ZDBF2: variants seen among roughly 807,000 people sequenced by gnomAD.
The protein encoded by ZDBF2 is zinc finger DBF-type containing 2, also known as DBF4-type zinc finger-containing protein 2.
Under a neutral mutation model 9.4 loss-of-function variants are expected in ZDBF2, and 6 were observed. That is an observed-to-expected ratio of 0.64 (90% confidence interval 0.35 to 1.27). The LOEUF (loss-of-function observed/expected upper bound fraction) is 1.27. ZDBF2 is among the 50% of genes most tolerant of loss of function. The pLI, the probability that ZDBF2 is intolerant of heterozygous loss-of-function variation, is 0.03. For missense variants in ZDBF2, 2,697 were observed against 2,766.8 expected (o/e 0.97, Z 0.57); for synonymous variants, 905 against 946.3 (o/e 0.96, Z 0.80).
At position 206,304,983 on chromosome 2, in the gene ZDBF2, T is replaced by C; in HGVS notation, c.455T>C (p.Val152Ala). The C allele has an allele frequency of 6.2e-7, 1 of 1,613,658 alleles. No individual in the cohort carries two copies. The highest frequency in any genetic ancestry group is 8.5e-7 in the Non-Finnish European group (1 of 1,179,782). ...GGACAGCAGCAGCCCTTGGAGTTTGTTCATAAAATTGGGGCCAGTGTGAGA... is the reference window on the plus strand; with the variant it reads ...GGACAGCAGCAGCCCTTGGAGTTTGCTCATAAAATTGGGGCCAGTGTGAGA... ...EKGQQQPLEF[V>A]HKIGASVRKC... The change falls in exon 5 of 5, where the codon GTT (valine) becomes GCT (alanine). Residue 152 changes from valine (V) to alanine (A), a missense_variant. By Grantham distance (64) the Val-to-Ala change is moderately conservative. Around this residue, in one of 3 missense-constraint regions of ZDBF2, gnomAD observed 910 missense variants for 973.6 expected, o/e 0.93. Coordinates refer to ENST00000374423, the MANE Select transcript of ZDBF2 (RefSeq NM_020923.3).
chr2:206,309,104 G>T lies in ZDBF2; in HGVS notation c.4576G>T (p.Val1526Leu). The T allele has an allele frequency of 6.2e-7, 1 of 1,613,908 alleles. No individual in the cohort carries two copies. The highest frequency in any genetic ancestry group is 8.5e-7 in the Non-Finnish European group (1 of 1,179,868). The change falls in exon 5 of 5, where the codon GTA (valine) becomes TTA (leucine). Residue 1526 changes from valine (V) to leucine (L), a missense_variant. Val to Leu is a conservative substitution (Grantham distance 32). Coordinates refer to ENST00000374423, the MANE Select transcript of ZDBF2 (RefSeq NM_020923.3). ...SVKETHLPKV[V>L]LVDLVPGDSD... is the part of the protein sequence containing the mutation. ...CAAAGAAACCCACCTTCCAAAGGTG[G>T]TACTTGTGGATCTGGTGCCCGGTGA...
intron 1 of ZDBF2, among the ~76,000 whole-genome samples, chr2:206,278,665 A>G (rs549131897): frequency 6.6e-6 from 1 of 152,218 alleles, no homozygotes; most frequent in African/African-American, 2.4e-5. Flanking sequence ...TTACTTTCGT[A>G]CCTTTGCTTG....
rs1215600548 is a variant in ZDBF2 at position 206,305,678 on chromosome 2, G to A, written c.1150G>A (p.Asp384Asn). The change falls in exon 5 of 5, where the codon GAC (aspartate) becomes AAC (asparagine). Residue 384 changes from aspartate (D) to asparagine (N), a missense_variant. By Grantham distance (23) the Asp-to-Asn change is conservative (BLOSUM62 1). Coordinates refer to ENST00000374423, the MANE Select transcript of ZDBF2 (RefSeq NM_020923.3). ...ASDQPQETAQ[D>N]LSLWKEEQID... ...TGATCAGCCCCAAGAGACTGCACAA[G>A]ACTTAAGTCTTTGGAAGGAGGAGCA... The A allele has an allele frequency of 4.3e-6, 7 of 1,613,640 alleles. No individual in the cohort carries two copies. The East Asian group carries it at 1.6e-4, about 36-fold the overall frequency.
At position 206,302,641 on chromosome 2, in the gene ZDBF2, G is replaced by A. The variant is rs186411699; in HGVS notation, c.189-2076G>A. ...TAGTTTAGGGTTCTGAAAAACTAGAGTGAAGTGATTGTTGCACTGCAGTGT... is the reference window on the plus strand; with the variant it reads ...TAGTTTAGGGTTCTGAAAAACTAGAATGAAGTGATTGTTGCACTGCAGTGT... On this transcript the variant is annotated intron_variant, in intron 4 of 4. Coordinates refer to ENST00000374423, the MANE Select transcript of ZDBF2 (RefSeq NM_020923.3). 6.0e-4 allele frequency among the ~76,000 whole-genome samples: 91 copies of A among 152,304 alleles called. 2 individuals carry two copies. Among genetic ancestry groups the A allele is most frequent in the African/African-American group, 2.2e-3 (90 of 41,576 alleles).
At position 206,308,765 on chromosome 2, in the gene ZDBF2, G is replaced by T; in HGVS notation, c.4237G>T (p.Ala1413Ser). The change falls in exon 5 of 5, where the codon GCT becomes TCT. Residue 1413 changes from alanine (A) to serine (S), a missense_variant. By Grantham distance (99) the Ala-to-Ser change is moderately conservative (BLOSUM62 1). This residue lies in a region of ZDBF2 where 1,783 missense variants were observed against 1,776.5 expected (regional missense o/e 1.00). Transcript: ENST00000374423. ...YKLGDFDVSYASHIPVQFVTD... is the reference protein window; with the variant it reads ...YKLGDFDVSYSSHIPVQFVTD... ...ATTAGGTGATTTTGATGTAAGTTAT[G>T]CTTCTCATATTCCTGTTCAGTTTGT... The T allele has an allele frequency of 6.2e-7, 1 of 1,613,668 alleles. No homozygotes were observed. The highest frequency in any genetic ancestry group is 8.5e-7 in the Non-Finnish European group (1 of 1,179,788).
In ZDBF2 at chr2:206,306,805, G is replaced by C; in HGVS notation, c.2277G>C (p.Leu759=). 1 of 1,613,852 alleles carries C rather than the reference G, an allele frequency of 6.2e-7. No homozygotes were observed. Among genetic ancestry groups the C allele is most frequent in the Non-Finnish European group, 8.5e-7 (1 of 1,179,814 alleles). ...CTTTTGATTCTGACCCGCCTCTTCT[G>C]TCAGTTACTGAGCAGTCTCATCTGG... ...ELTFDSDPPL[L]SVTEQSHLDA... is the part of the protein sequence containing the mutation. Residue 759 remains leucine, a synonymous_variant, in exon 5 of 5, where the codon CTG becomes CTC. Coordinates refer to ENST00000374423, the MANE Select transcript of ZDBF2 (RefSeq NM_020923.3).
chr2:206,308,722 G>A lies in ZDBF2; in HGVS notation c.4194G>A (p.Leu1398=), dbSNP rs759007916. 2 of 1,612,932 alleles carry A rather than the reference G, an allele frequency of 1.2e-6. No homozygotes were observed. The highest frequency in any genetic ancestry group is 1.7e-6 in the Non-Finnish European group (2 of 1,179,714). ...TTTGGAAGGAAGACCATATTTACCT[G>A]GAAGATAAGAGCTATAAATTAGGTG... is the stretch of plus-strand genomic sequence containing the variant. ...INLWKEDHIY[L]EDKSYKLGDF... is the part of the protein sequence containing the mutation. Residue 1398 remains leucine (L), a synonymous_variant, in exon 5 of 5, where the codon CTG becomes CTA. Transcript: ENST00000374423.
At chr2:206,282,122 G>T (rs530478603) in intron 3 of ZDBF2, among the ~76,000 whole-genome samples, 8 of 152,168 alleles carry the variant, frequency 5.3e-5, no homozygotes, top group African/African-American at 1.9e-4. Context: ...TAAGACAGAA[G>T]ATAAATAATA....
In ZDBF2 at chr2:206,282,044, G is replaced by A. The variant is rs192540402; in HGVS notation, c.60+135G>A. The A allele has an allele frequency of 9.5e-4, 730 of 766,420 alleles. 3 individuals carry two copies. Among genetic ancestry groups the A allele is most frequent in the Non-Finnish European group, 1.3e-3 (660 of 499,982 alleles). The allele number at this position is 766,420 out of a possible 1,614,324, so 47.5% of individuals were successfully genotyped here. A position where few individuals can be genotyped will look rare whatever the true frequency, so the allele number is the denominator to read the frequency against. ...CTATTAGTTGGCAGACACTGTTTAA[G>A]GTTCTAGGGATATGACCATGAACAA... On this transcript the variant is annotated intron_variant, in intron 3 of 4. Coordinates refer to ENST00000374423, the MANE Select transcript of ZDBF2 (RefSeq NM_020923.3).
At chr2:206,301,205 G>T (rs1482320652) in intron 4 of ZDBF2, among the ~76,000 whole-genome samples, 1 of 151,774 alleles carries the variant, frequency 6.6e-6, no homozygotes, top group African/African-American at 2.4e-5. Flanking sequence ...GTATATTTTG[G>T]CTTTGTAAGA....
At chr2:206,296,693 G>C (rs1692196195) in intron 3 of ZDBF2, among the ~76,000 whole-genome samples, 1 of 152,082 alleles carries the variant, frequency 6.6e-6, no homozygotes, top group Non-Finnish European at 1.5e-5. Context: ...CCATACGTGT[G>C]GTTTTTGCAT....
At chr2:206,303,163 G>A (rs1270328890) in intron 4 of ZDBF2, among the ~76,000 whole-genome samples, 1 of 150,712 alleles carries the variant, frequency 6.6e-6, no homozygotes, top group African/African-American at 2.4e-5. Flanking sequence ...ATCACATCCA[G>A]GATACCACAT....
chr2:206,275,519 A>G (rs900925532), intron 1 of ZDBF2, among the ~76,000 whole-genome samples: 5 of 152,162 alleles, frequency 3.3e-5, no homozygotes, highest in African/African-American at 1.2e-4. Flanking sequence ...TGGTCGTGTT[A>G]CGCCATCGTT....
intron 3 of ZDBF2, among the ~76,000 whole-genome samples, chr2:206,285,049 G>A (rs994321473): frequency 2.0e-5 from 3 of 152,070 alleles, no homozygotes; most frequent in Non-Finnish European, 2.9e-5. Context: ...TTTATCTGTT[G>A]ATGGACACTT....
chr2:206,289,421 G>T (rs1390468117), intron 3 of ZDBF2, among the ~76,000 whole-genome samples: 1 of 152,120 alleles, frequency 6.6e-6, no homozygotes, highest in Non-Finnish European at 1.5e-5. Flanking sequence ...TGGGAGGCAG[G>T]GTACCACTTC....
intron 4 of ZDBF2, among the ~76,000 whole-genome samples, chr2:206,300,174 T>G (rs1692429205): frequency 6.6e-6 from 1 of 152,126 alleles, no homozygotes; most frequent in Admixed American, 6.6e-5. Flanking sequence ...GGGAGCCAGT[T>G]TTAAAAACAC....
rs376884851 is a variant in ZDBF2, at chr2:206,310,088, C to T, written c.5560C>T (p.Arg1854Cys). The T allele has an allele frequency of 3.2e-5, 52 of 1,613,514 alleles. No homozygotes were observed. In the African/African-American group the frequency reaches 5.5e-4, roughly 17 times the overall value. The change falls in exon 5 of 5, where the codon CGT becomes TGT. Residue 1854 changes from arginine (R) to cysteine (C), a missense_variant. Physicochemically the swap from Arg to Cys is radical, Grantham distance 180 (BLOSUM62 -3). This residue lies in a region of ZDBF2 where 1,783 missense variants were observed against 1,776.5 expected (regional missense o/e 1.00). Coordinates refer to ENST00000374423, the MANE Select transcript of ZDBF2 (RefSeq NM_020923.3). ...NALVKEFREG[R>C]FHCYFDDDCE... ...TCTGGTGAAGGAGTTTAGGGAAGGT[C>T]GTTTCCACTGTTACTTTGATGATGA...
intron 3 of ZDBF2, chr2:206,292,134 C>G: frequency 2.5e-6 from 1 of 398,188 alleles, no homozygotes; most frequent in Non-Finnish European, 4.4e-6. Flanking sequence ...TGTAGGCAAT[C>G]AATCTAAGTG....
At chr2:206,286,792 A>C (rs1019863139) in intron 3 of ZDBF2, among the ~76,000 whole-genome samples, 3 of 152,232 alleles carry the variant, frequency 2.0e-5, no homozygotes, top group Admixed American at 2.0e-4. Context: ...TGTATCTTTT[A>C]AGTGGGGAAT....
Sources: gnomAD v4.1 joint callset for allele counts (sites outside exome capture counted in the v4.1 genomes callset) on GRCh38, gnomAD v4.1.1 for gene constraint, gnomAD v4.1.1 regional missense constraint, MANE v1.5 for transcripts, NCBI Gene and HGNC (gene_info 2026-07-23, HGNC 2026-07-21) for gene names.